Variants in HS3ST5 observed in about 807,000 individuals in gnomAD.
The protein encoded by HS3ST5 is heparan sulfate-glucosamine 3-sulfotransferase 5.
A neutral mutation model predicts 25.4 loss-of-function variants in HS3ST5; 10 were observed. That is an observed-to-expected ratio of 0.39 (90% CI 0.24 to 0.67). HS3ST5 has a LOEUF of 0.67. Ranked by LOEUF, HS3ST5 falls within the 30% of genes least tolerant of loss-of-function variation. The pLI is 0.44. For missense variants in HS3ST5, 324 were observed against 420.7 expected, an observed-to-expected ratio of 0.77 and a Z score of 2.01; for synonymous variants, 170 against 162.4, an observed-to-expected ratio of 1.05 and a Z score of -0.36.
chr6:114,076,704 A>G (rs1287950516), intron 3 of HS3ST5, among the ~76,000 whole-genome samples: 2 of 152,240 alleles, frequency 1.3e-5, no homozygotes, highest in Admixed American at 6.5e-5. Flanking sequence ...CTTCTGTAAT[A>G]ATAATTACGT....
chr6:114,247,161 A>G (rs1316225925), intron 1 of HS3ST5, among the ~76,000 whole-genome samples: 1 of 152,160 alleles, frequency 6.6e-6, no homozygotes, highest in Non-Finnish European at 1.5e-5. Context: ...CTTTCTAACT[A>G]TCCTTCTGAG....
At chr6:114,156,684 A>G (rs183016368) in intron 3 of HS3ST5, among the ~76,000 whole-genome samples, 2 of 152,182 alleles carry the variant, frequency 1.3e-5, no homozygotes. Context: ...AGTTTATTTC[A>G]CATCTTGGCA....
chr6:114,293,305 T>G (rs1288085400), intron 1 of HS3ST5, among the ~76,000 whole-genome samples: 1 of 152,142 alleles, frequency 6.6e-6, no homozygotes, highest in African/African-American at 2.4e-5. Context: ...ACTATAACTT[T>G]AGAGTTTAAG....
chr6:114,339,678 A>G (rs1776746845), intron 1 of HS3ST5, among the ~76,000 whole-genome samples: 1 of 152,218 alleles, frequency 6.6e-6, no homozygotes, highest in Admixed American at 6.5e-5. Flanking sequence ...CAGAGCTAGA[A>G]ATCATACAGT....
At chr6:114,318,154 C>T (rs1304435646) in intron 1 of HS3ST5, among the ~76,000 whole-genome samples, 1 of 152,094 alleles carries the variant, frequency 6.6e-6, no homozygotes, top group Non-Finnish European at 1.5e-5. Context: ...GGCTCTCTGT[C>T]CTGGAGAGTA....
At chr6:114,136,406 C>T (rs1777616050) in intron 3 of HS3ST5, among the ~76,000 whole-genome samples, 1 of 152,184 alleles carries the variant, frequency 6.6e-6, no homozygotes, top group African/African-American at 2.4e-5. Context: ...CATTTGTCTT[C>T]AGCCATGATT....
chr6:114,071,234 C>T (rs890939462), intron 3 of HS3ST5, among the ~76,000 whole-genome samples: 1 of 152,170 alleles, frequency 6.6e-6, no homozygotes, highest in African/African-American at 2.4e-5. Context: ...TACCAATAAC[C>T]TGCCCCACAG....
chr6:114,281,070 C>G (rs1317093859), intron 1 of HS3ST5, among the ~76,000 whole-genome samples: 1 of 151,850 alleles, frequency 6.6e-6, no homozygotes, highest in Non-Finnish European at 1.5e-5. Context: ...GTTTCGATAC[C>G]ATTTAATTTT....
chr6:114,334,445 C>G (rs191586189), intron 1 of HS3ST5, among the ~76,000 whole-genome samples: 28 of 152,352 alleles, frequency 1.8e-4, no homozygotes, highest in African/African-American at 6.7e-4. Flanking sequence ...TCAGTTCCCA[C>G]TACTGCCTAC....
At chr6:114,227,620 A>T (rs1771362875) in intron 2 of HS3ST5, among the ~76,000 whole-genome samples, 1 of 152,090 alleles carries the variant, frequency 6.6e-6, no homozygotes, top group Non-Finnish European at 1.5e-5. Flanking sequence ...CATGATTTAT[A>T]AGTTCTTATT....
intron 3 of HS3ST5, chr6:114,084,557 C>G: frequency 2.6e-6 from 2 of 761,640 alleles, no homozygotes; most frequent in Non-Finnish European, 4.8e-6. Flanking sequence ...GAGTGAGCTC[C>G]CTCGTTGTTG....
At chr6:114,067,992 A>T (rs1266074926) in intron 3 of HS3ST5, among the ~76,000 whole-genome samples, 1 of 152,184 alleles carries the variant, frequency 6.6e-6, no homozygotes, top group Non-Finnish European at 1.5e-5. Context: ...GTAGGATAGA[A>T]CTTTGGGAAC....
chr6:114,057,097 G>A lies in HS3ST5; in HGVS notation c.*160C>T. On this transcript the variant is annotated 3_prime_UTR_variant, in exon 5 of 5. Coordinates refer to ENST00000312719, the MANE Select transcript of HS3ST5 (RefSeq NM_153612.4). Reference sequence around the variant, plus strand: ...TTTTTTTTTTCGTAAATTTTCAGTAGAAAAAGAACTGATCTTATATTTGGT... The same window carrying A: ...TTTTTTTTTTCGTAAATTTTCAGTAAAAAAAGAACTGATCTTATATTTGGT... The A allele has an allele frequency of 1.9e-6, 1 of 527,160 alleles. No individual in the cohort carries two copies. Among genetic ancestry groups the A allele is most frequent in the East Asian group, 3.0e-5 (1 of 33,738 alleles). The allele number at this position is 527,160 out of a possible 1,614,324, so 32.7% of individuals were successfully genotyped here.
chr6:114,124,009 C>T (rs764074422), intron 3 of HS3ST5, among the ~76,000 whole-genome samples: 40 of 152,136 alleles, frequency 2.6e-4, no homozygotes, highest in Non-Finnish European at 1.9e-4. Context: ...AGGCTGAGGT[C>T]AAAGCTGGCA....
chr6:114,140,005 C>G (rs1047762976), intron 3 of HS3ST5, among the ~76,000 whole-genome samples: 5 of 152,186 alleles, frequency 3.3e-5, no homozygotes, highest in African/African-American at 1.2e-4. Flanking sequence ...ATTCCCTAGA[C>G]TTTCCTGAGT....
chr6:114,273,010 T>C (rs555985275), intron 1 of HS3ST5, among the ~76,000 whole-genome samples: 1 of 152,084 alleles, frequency 6.6e-6, no homozygotes, highest in South Asian at 2.1e-4. Context: ...TGGCCAGCCA[T>C]TGGAGGATTT....
At chr6:114,141,386 T>C (rs1562213022) in intron 3 of HS3ST5, among the ~76,000 whole-genome samples, 1 of 152,246 alleles carries the variant, frequency 6.6e-6, no homozygotes, top group Non-Finnish European at 1.5e-5. Flanking sequence ...TTTTCAGATC[T>C]CAAAATTCCA....
At chr6:114,236,944 G>A (rs569670152) in intron 1 of HS3ST5, among the ~76,000 whole-genome samples, 14 of 152,212 alleles carry the variant, frequency 9.2e-5, no homozygotes, top group South Asian at 2.1e-4. Flanking sequence ...TGCCGACGCC[G>A]GGCCCATGTT....
intron 1 of HS3ST5, among the ~76,000 whole-genome samples, chr6:114,257,747 T>G (rs1387492514): frequency 6.6e-6 from 1 of 152,146 alleles, no homozygotes; most frequent in Non-Finnish European, 1.5e-5. Context: ...GTTGTTCTTT[T>G]TTTTTAATAA....
Sources: gnomAD v4.1 joint callset for allele counts (sites outside exome capture counted in the v4.1 genomes callset) on GRCh38, gnomAD v4.1.1 for gene constraint, MANE v1.5 for transcripts, NCBI Gene and HGNC (gene_info 2026-07-23, HGNC 2026-07-21) for gene names.